Variants in RABGAP1L observed in about 807,000 individuals in gnomAD.
RABGAP1L encodes RAB GTPase activating protein 1 like, also known as rab GTPase-activating protein 1-like.
Under a neutral mutation model 137.7 loss-of-function variants are expected in RABGAP1L, and 63 were observed. The ratio of observed to expected loss-of-function variants is 0.46; its 90% confidence interval spans 0.37 to 0.56. RABGAP1L has a LOEUF of 0.56. RABGAP1L is among the 20% of genes least tolerant of loss of function. RABGAP1L has a pLI of 0.00. For synonymous variants in RABGAP1L, 431 were observed against 433.7 expected, an observed-to-expected ratio of 0.99 and a Z score of 0.08; for missense variants, 1,095 against 1,244.0, an observed-to-expected ratio of 0.88 and a Z score of 1.80.
chr1:174,772,807 AG>A (rs1283565727), intron 18 of RABGAP1L, among the ~76,000 whole-genome samples: 1 of 152,066 alleles, frequency 6.6e-6, no homozygotes, highest in Admixed American at 6.6e-5. Context: ...TGGCTACTCT[AG>A]GTACCTCATG....
In RABGAP1L at chr1:174,758,333, G is replaced by A. The variant is rs368075990; in HGVS notation, c.2211+5979G>A. 3.6e-4 allele frequency among the ~76,000 whole-genome samples: 55 copies of A among 151,768 alleles called. No homozygotes were observed. In the East Asian group the frequency reaches 9.1e-3, roughly 25 times the overall value. The stretch of plus-strand genomic sequence containing the variant: ...TAGCTTGGAGTTCTACAGATCTCCA[G>A]CCTCTAGGAATTTGCTTATTGCTTC... On this transcript the variant is annotated intron_variant, in intron 18 of 25. Coordinates refer to ENST00000681986, the MANE Select transcript of RABGAP1L (RefSeq NM_001366446.1).
At chr1:174,247,891 G>GC (rs1333697808) in intron 5 of RABGAP1L, among the ~76,000 whole-genome samples, 3 of 151,894 alleles carry the variant, frequency 2.0e-5, no homozygotes, top group Non-Finnish European at 4.4e-5. Context: ...ATGGGGAGCC[G>GC]CTTTTTTTTT....
chr1:174,988,901 G>C, intron 25 of RABGAP1L, 63 bp downstream of exon 25: 1 of 1,424,738 alleles, frequency 7.0e-7, no homozygotes, highest in Non-Finnish European at 9.3e-7. Flanking sequence ...GGATACTCTA[G>C]TACTTCAGAA....
intron 13 of RABGAP1L, among the ~76,000 whole-genome samples, chr1:174,621,127 C>T (rs569866396): frequency 1.3e-5 from 2 of 152,106 alleles, no homozygotes; most frequent in African/African-American, 4.8e-5. Flanking sequence ...AATAAAATAC[C>T]TAGGAATCCA....
chr1:174,269,493 A>G (rs1674372699), intron 7 of RABGAP1L, among the ~76,000 whole-genome samples: 1 of 152,224 alleles, frequency 6.6e-6, no homozygotes, highest in African/African-American at 2.4e-5. Flanking sequence ...GCTTTGGGCA[A>G]AACCATTGTT....
intron 18 of RABGAP1L, among the ~76,000 whole-genome samples, chr1:174,793,376 A>G (rs945067417): frequency 4.6e-5 from 7 of 152,212 alleles, no homozygotes; most frequent in East Asian, 1.9e-4. Flanking sequence ...TATGCCTTAA[A>G]TTTTACAAGG....
rs551639384 is a variant in RABGAP1L at position 174,546,443 on chromosome 1, T to C, written c.1711-90932T>C. Among the ~76,000 whole-genome samples the C allele has an allele frequency of 2.6e-5, 4 of 152,346 alleles. No homozygotes were observed. The East Asian group carries it at 5.8e-4, about 22-fold the overall frequency. On this transcript the variant is annotated intron_variant, in intron 13 of 25. Transcript: ENST00000681986. ...ACCACTGCTCTAGAGAATGGCTGTA[T>C]TAAGCCAAAGTTTTAGTATAAACAA... is the stretch of plus-strand genomic sequence containing the variant.
At chr1:174,816,363 C>T (rs1690410522) in intron 19 of RABGAP1L, among the ~76,000 whole-genome samples, 1 of 151,982 alleles carries the variant, frequency 6.6e-6, no homozygotes, top group Non-Finnish European at 1.5e-5. Context: ...TCAGGCTAGT[C>T]TCATACTCCC....
chr1:174,656,116 A>AT (rs146941491), intron 14 of RABGAP1L, among the ~76,000 whole-genome samples: 25 of 151,564 alleles, frequency 1.6e-4, no homozygotes, highest in South Asian at 2.1e-4. Context: ...ATTTATGCCC[A>AT]TTTTTTTTTA....
intron 7 of RABGAP1L, among the ~76,000 whole-genome samples, chr1:174,264,342 C>CT (rs1673864925): frequency 6.6e-6 from 1 of 152,034 alleles, no homozygotes; most frequent in South Asian, 2.1e-4. Flanking sequence ...CTTGTATACT[C>CT]TATTTTATTC....
intron 13 of RABGAP1L, among the ~76,000 whole-genome samples, chr1:174,619,954 G>T (rs961796315): frequency 2.0e-5 from 3 of 151,932 alleles, no homozygotes; most frequent in Non-Finnish European, 4.4e-5. Context: ...ATCTACCAAG[G>T]AAATGGAAAA....
chr1:174,543,527 A>T (rs1247828910), intron 13 of RABGAP1L, among the ~76,000 whole-genome samples: 1 of 152,072 alleles, frequency 6.6e-6, no homozygotes, highest in Non-Finnish European at 1.5e-5. Context: ...CAGCACACTG[A>T]TGGTTCTTGA....
At chr1:174,195,795 T>A (rs866705799) in intron 1 of RABGAP1L, among the ~76,000 whole-genome samples, 3 of 125,632 alleles carry the variant, frequency 2.4e-5, no homozygotes, top group Admixed American at 8.3e-5. Context: ...TTTTCTTTCT[T>A]TCTTTCTTTC....
intron 1 of RABGAP1L, among the ~76,000 whole-genome samples, chr1:174,166,876 T>C (rs1664956568): frequency 6.6e-6 from 1 of 152,168 alleles, no homozygotes; most frequent in African/African-American, 2.4e-5. Context: ...TTTGGAAATG[T>C]TGGTAAAGAA....
intron 19 of RABGAP1L, among the ~76,000 whole-genome samples, chr1:174,846,469 T>C (rs980021438): frequency 1.4e-3 from 202 of 147,692 alleles, no homozygotes; most frequent in Non-Finnish European, 2.5e-3. Flanking sequence ...TATTTCTGCC[T>C]TCATTTCGTT....
chr1:174,874,578 C>CTTT (rs10530813), intron 19 of RABGAP1L: 30 of 232,758 alleles, frequency 1.3e-4, no homozygotes, highest in African/African-American at 1.5e-4. Flanking sequence ...ACACCACTGC[C>CTTT]TTTTTTTTTT....
chr1:174,388,102 AT>A (rs1419524976), intron 12 of RABGAP1L, among the ~76,000 whole-genome samples: 1 of 152,080 alleles, frequency 6.6e-6, no homozygotes, highest in African/African-American at 2.4e-5. Context: ...TTTGTGATTT[AT>A]GTAGGTAAAG....
intron 14 of RABGAP1L, among the ~76,000 whole-genome samples, chr1:174,668,220 A>G (rs911860753): frequency 6.6e-6 from 1 of 152,172 alleles, no homozygotes; most frequent in Non-Finnish European, 1.5e-5. Context: ...CACCTATCTA[A>G]CTATAATTAT....
intron 1 of RABGAP1L, among the ~76,000 whole-genome samples, chr1:174,165,400 T>C (rs956212898): frequency 6.6e-6 from 1 of 152,176 alleles, no homozygotes; most frequent in East Asian, 1.9e-4. Context: ...TCCATCCGCC[T>C]CAGCCTCCCA....
Sources: gnomAD v4.1 joint callset for allele counts (sites outside exome capture counted in the v4.1 genomes callset) on GRCh38, gnomAD v4.1.1 for gene constraint, MANE v1.5 for transcripts, NCBI Gene and HGNC (gene_info 2026-07-23, HGNC 2026-07-21) for gene names.